LRP1B: variants seen among roughly 807,000 people sequenced by gnomAD.
LRP1B encodes low-density lipoprotein receptor-related protein 1B.
A neutral mutation model predicts 556.6 loss-of-function variants in LRP1B; 217 were observed. The ratio of observed to expected loss-of-function variants is 0.39; its 90% CI spans 0.35 to 0.44. The LOEUF (loss-of-function observed/expected upper bound fraction) is 0.44. Ranked by LOEUF, LRP1B falls within the 20% of genes least tolerant of loss-of-function variation. LRP1B has a pLI of 1.00. For missense variants in LRP1B, 5,053 were observed against 5,620.8 expected, an observed-to-expected ratio of 0.90 and a Z score of 3.23; for synonymous variants, 2,047 against 1,865.8, an observed-to-expected ratio of 1.10 and a Z score of -2.50.
At chr2:140,698,945 T>C (rs1686534192) in intron 41 of LRP1B, among the ~76,000 whole-genome samples, 1 of 151,962 alleles carries the variant, frequency 6.6e-6, no homozygotes, top group African/African-American at 2.4e-5. Flanking sequence ...GCATTAATAT[T>C]ATCACCATGT....
Position 140,686,111 on chromosome 2 carries a change from TGG to T in LRP1B, c.6799+14137_6799+14138del, listed in dbSNP as rs1686042434. Among the ~76,000 whole-genome samples, 4 of 152,170 alleles carry T rather than the reference TGG, an allele frequency of 2.6e-5. No homozygotes were observed. The South Asian group carries it at 8.3e-4, about 32-fold the overall frequency. On this transcript the variant is annotated intron_variant, in intron 41 of 90. Transcript: ENST00000389484. ...TAGATTAGTTACAGGAGTAAACATG[TGG>T]TTAAGAAAGAACATGTTTTTAAGAT... is the stretch of plus-strand genomic sequence containing the variant.
intron 1 of LRP1B, among the ~76,000 whole-genome samples, chr2:141,904,030 T>A (rs1699691301): frequency 6.6e-6 from 1 of 151,934 alleles, no homozygotes; most frequent in Non-Finnish European, 1.5e-5. Flanking sequence ...AATGGAAAGA[T>A]ATGATAGTGG....
chr2:140,762,939 G>T lies in LRP1B; in HGVS notation c.5758+6274C>A, dbSNP rs288104. ...AAGTTTACAGTTGAAGATACTAAAG[G>T]TACCAACGTACCTAAGCTAAAAGAG... On this transcript the variant is annotated intron_variant, in intron 35 of 90. Coordinates refer to ENST00000389484, the MANE Select transcript of LRP1B (RefSeq NM_018557.3). 1.7e-3 allele frequency among the ~76,000 whole-genome samples: 263 copies of T among 151,990 alleles called. 1 individual carries two copies. Among genetic ancestry groups the T allele is most frequent in the African/African-American group, 5.9e-3 (246 of 41,450 alleles).
intron 3 of LRP1B, among the ~76,000 whole-genome samples, chr2:141,335,064 A>G (rs1188948515): frequency 2.6e-5 from 4 of 152,236 alleles, no homozygotes; most frequent in South Asian, 2.1e-4. Flanking sequence ...GCATTAATTC[A>G]TTTCCTTATT....
At chr2:141,794,589 A>T (rs1230607209) in intron 2 of LRP1B, among the ~76,000 whole-genome samples, 1 of 152,000 alleles carries the variant, frequency 6.6e-6, no homozygotes, top group Non-Finnish European at 1.5e-5. Flanking sequence ...TGATCACCAT[A>T]TGTGATATAT....
chr2:141,862,118 CTAATT>C (rs1339693876), intron 1 of LRP1B, among the ~76,000 whole-genome samples: 2 of 152,106 alleles, frequency 1.3e-5, no homozygotes, highest in Admixed American at 6.5e-5. Context: ...TATAATGACT[CTAATT>C]TAATATGTTA....
chr2:141,627,253 G>T (rs1227969927), intron 2 of LRP1B, among the ~76,000 whole-genome samples: 1 of 152,196 alleles, frequency 6.6e-6, no homozygotes, highest in Non-Finnish European at 1.5e-5. Flanking sequence ...AAACTATGAA[G>T]ACAGTAAAAA....
intron 8 of LRP1B, among the ~76,000 whole-genome samples, chr2:141,061,443 T>C (rs541510759): frequency 6.6e-5 from 10 of 151,940 alleles, no homozygotes; most frequent in African/African-American, 2.2e-4. Context: ...TGATTTCTAC[T>C]TAGAGATCTC....
intron 7 of LRP1B, among the ~76,000 whole-genome samples, chr2:141,164,871 C>T (rs933822879): frequency 5.9e-5 from 9 of 152,002 alleles, no homozygotes; most frequent in Admixed American, 2.0e-4. Flanking sequence ...AAAATTTCTT[C>T]TATGTTTTCC....
Position 141,559,043 on chromosome 2 carries a change from C to T in LRP1B, c.206-78510G>A, listed in dbSNP as rs140605661. 3.8e-3 allele frequency among the ~76,000 whole-genome samples: 570 copies of T among 151,260 alleles called. 5 individuals are homozygous for T. Among genetic ancestry groups the T allele is most frequent in the African/African-American group, 0.013 (543 of 41,306 alleles). On this transcript the variant is annotated intron_variant, in intron 2 of 90. Transcript: ENST00000389484. ...TGGTTTTAAGAAACTCAAGAAAAAA[C>T]GATTGCTAAAATTTTAATGTAAAAT...
intron 3 of LRP1B, among the ~76,000 whole-genome samples, chr2:141,407,214 C>T (rs1479001988): frequency 6.6e-6 from 1 of 152,130 alleles, no homozygotes; most frequent in African/African-American, 2.4e-5. Flanking sequence ...CTCCCCATTA[C>T]TTTACCAGCC....
chr2:141,823,420 TATC>T (rs1238360762), intron 1 of LRP1B, among the ~76,000 whole-genome samples: 5 of 152,056 alleles, frequency 3.3e-5, no homozygotes, highest in African/African-American at 9.7e-5. Flanking sequence ...ATATTAATGA[TATC>T]ATTATTGTTT....
At chr2:141,819,736 G>A (rs1042175480) in intron 1 of LRP1B, among the ~76,000 whole-genome samples, 17 of 152,146 alleles carry the variant, frequency 1.1e-4, no homozygotes, top group African/African-American at 4.1e-4. Flanking sequence ...TAGTAAGAAG[G>A]AGGATATTGG....
intron 2 of LRP1B, among the ~76,000 whole-genome samples, chr2:141,800,396 G>C (rs1221190388): frequency 1.3e-5 from 2 of 152,228 alleles, no homozygotes; most frequent in African/African-American, 2.4e-5. Flanking sequence ...CTGTAAAAGG[G>C]GACCATGAAT....
chr2:141,523,521 AAATT>A (rs1684595798), intron 2 of LRP1B, among the ~76,000 whole-genome samples: 1 of 152,142 alleles, frequency 6.6e-6, no homozygotes, highest in Admixed American at 6.6e-5. Context: ...AAGAAATAAT[AAATT>A]ATTAACAATA....
At chr2:142,102,090 C>T (rs1706586289) in intron 1 of LRP1B, among the ~76,000 whole-genome samples, 1 of 151,928 alleles carries the variant, frequency 6.6e-6, no homozygotes, top group African/African-American at 2.4e-5. Flanking sequence ...AGTGAGAAAA[C>T]AAAAGACGTA....
chr2:141,534,056 TGAGA>T (rs574882716), intron 2 of LRP1B, among the ~76,000 whole-genome samples: 1 of 151,158 alleles, frequency 6.6e-6, no homozygotes, highest in Non-Finnish European at 1.5e-5. Context: ...AAAGAGAGTG[TGAGA>T]GAGAGAGAGG....
intron 3 of LRP1B, among the ~76,000 whole-genome samples, chr2:141,460,836 T>C (rs1029936821): frequency 1.3e-5 from 2 of 152,114 alleles, no homozygotes; most frequent in African/African-American, 4.8e-5. Flanking sequence ...GTAATGTTTT[T>C]AGTGTGAGAA....
chr2:141,907,361 A>G (rs1699785318), intron 1 of LRP1B, among the ~76,000 whole-genome samples: 1 of 151,698 alleles, frequency 6.6e-6, no homozygotes. Context: ...TTTAATAACC[A>G]CTCCATTTTA....
Sources: allele counts gnomAD v4.1 joint callset (sites outside exome capture counted in the v4.1 genomes callset), GRCh38; gene constraint gnomAD v4.1.1; transcripts MANE v1.5; gene names NCBI Gene and HGNC (gene_info 2026-07-23, HGNC 2026-07-21).